The following INTS11 variants were observed in gnomAD, a reference collection of about 807,000 sequenced individuals.
INTS11 encodes CPSF3-like protein.
INTS11 carries 77 observed loss-of-function variants against 78.6 expected under a neutral mutation model. The ratio of observed to expected loss-of-function variants is 0.98; its 90% CI spans 0.81 to 1.18. The LOEUF is 1.18. INTS11 is among the 50% of genes most tolerant of loss of function. The pLI, the probability that INTS11 is intolerant of heterozygous loss-of-function variation, is 0.00. For synonymous variants in INTS11, 441 were observed against 326.9 expected (o/e 1.35, Z -3.77); for missense variants, 875 against 825.9 (o/e 1.06, Z -0.73).
chr1:1,320,364 G>A lies in INTS11; in HGVS notation c.200+92C>T, dbSNP rs1642872791. On this transcript the variant is annotated intron_variant, in intron 3 of 16. Coordinates refer to ENST00000435064, the MANE Select transcript of INTS11 (RefSeq NM_017871.6). ...CCCCTGAGGATCAAGGATGGCACAG[G>A]CCCCTTGCCAAACGCTGCCGAGACC... 21 of 1,201,048 alleles carry A rather than the reference G, an allele frequency of 1.7e-5. No homozygotes were observed. The South Asian group carries it at 1.8e-4, about 11-fold the overall frequency. 74.4% of individuals were successfully genotyped at this position (1,201,048 alleles called of 1,614,324 possible).
In INTS11 at chr1:1,319,302, C is replaced by A; in HGVS notation, c.423G>T (p.Thr141=). The stretch of plus-strand genomic sequence containing the variant: ...GTGGCCCTGGGAACCTGACCTGGAC[C>A]GTCTGGTGGAGGTGGACAGCCACCA... ...KKVVAVHLHQ[T]VQVDDELEIK... Residue 141 remains threonine, a synonymous_variant, in exon 4 of 17, where the codon ACG becomes ACT. Transcript: ENST00000435064. 1 of 1,612,330 alleles carries A rather than the reference C, an allele frequency of 6.2e-7. No homozygotes were observed.
chr1:1,315,119 T>A, intron 6 of INTS11, 157 bp from the exon 7 acceptor site: 1 of 954,466 alleles, frequency 1.0e-6, no homozygotes, highest in Non-Finnish European at 1.5e-6. Flanking sequence ...GCAGCACACT[T>A]GGGAAGAGAG....
At chr1:1,313,381 C>CCAG (rs1025247113) in intron 10 of INTS11, 128 bp downstream of exon 10, 5 of 1,114,382 alleles carry the variant, frequency 4.5e-6, no homozygotes, top group East Asian at 2.5e-5. Context: ...CCCCCGTTCC[C>CCAG]CAGCAGCAGC....
chr1:1,316,684 G>A (rs1398126121), intron 4 of INTS11: 2 of 152,208 alleles, frequency 1.3e-5, no homozygotes, highest in Non-Finnish European at 2.9e-5. Flanking sequence ...CAGCACTTTG[G>A]GAGGCTGAGG....
chr1:1,318,805 C>G lies in INTS11; in HGVS notation c.429+491G>C. 5 of 593,712 alleles carry G rather than the reference C, an allele frequency of 8.4e-6. No homozygotes were observed. The Middle Eastern group carries it at 7.8e-4, about 93-fold the overall frequency. The allele number at this position is 593,712 out of a possible 1,614,324, so 36.8% of individuals were successfully genotyped here. On this transcript the variant is annotated intron_variant, in intron 4 of 16. Coordinates refer to ENST00000435064, the MANE Select transcript of INTS11 (RefSeq NM_017871.6). ...CCCAGAGATTCGAGTGAGACACAGA[C>G]AAACCCATAATCTTTGTCAGAAATG...
At chr1:1,315,120 G>A (rs900560273) in intron 6 of INTS11, 158 bp from the exon 7 acceptor site, 3 of 955,262 alleles carry the variant, frequency 3.1e-6, no homozygotes, top group Non-Finnish European at 1.5e-6. Context: ...CAGCACACTT[G>A]GGAAGAGAGA....
chr1:1,322,437 A>C (rs1161108819), intron 1 of INTS11, among the ~76,000 whole-genome samples: 1 of 147,434 alleles, frequency 6.8e-6, no homozygotes, highest in Admixed American at 6.9e-5. Context: ...CGCCAGACGA[A>C]GGTTACTATG....
Position 1,312,344 on chromosome 1 carries a change from G to A in INTS11, c.1489C>T (p.Gln497Ter). The change falls in exon 15 of 17, where the codon CAA becomes TAA. Residue 497 changes from glutamine to a stop codon, truncating the protein, a stop_gained. Transcript: ENST00000435064. LOFTEE classifies it high-confidence loss of function. ...DSNFRLVSSE[Q>*]ALKELGLAEH... is the part of the protein sequence containing the mutation. Reference sequence around the variant, plus strand: ...GCCAGACCCAGCTCTTTGAGGGCTTGCTCTGAGGACACCAGCCGGAAGTTC... The same window carrying A: ...GCCAGACCCAGCTCTTTGAGGGCTTACTCTGAGGACACCAGCCGGAAGTTC... 6.4e-7 allele frequency: 1 copy of A among 1,562,284 alleles called. No homozygotes were observed. The highest frequency in any genetic ancestry group is 1.2e-5 in the South Asian group (1 of 84,954).
intron 1 of INTS11, 72 bp downstream of exon 1, chr1:1,324,509 A>G: frequency 6.9e-7 from 1 of 1,458,390 alleles, no homozygotes; most frequent in Non-Finnish European, 9.4e-7. Flanking sequence ...AACGGGAGGG[A>G]GCGGGGCGCC....
In INTS11 at chr1:1,312,213, G is replaced by GGGGGGGGCCCCCCCCCCCCCCCC; in HGVS notation, c.1607+12_1607+13insGGGGGGGGGGGGGGGGCCCCCCC. On this transcript the variant is annotated intron_variant, in intron 15 of 16. Transcript: ENST00000435064. ...CCCAAGGGAGTGGGGGGGGGGCGGGGCCGGGCGCCCACCTCTTGAGGTGGC... is the reference window on the plus strand; with the variant it reads ...CCCAAGGGAGTGGGGGGGGGGCGGGGGGGGGGGCCCCCCCCCCCCCCCCCCGGGCGCCCACCTCTTGAGGTGGC... 6 of 934,498 alleles carry GGGGGGGGCCCCCCCCCCCCCCCC rather than the reference G, an allele frequency of 6.4e-6. No individual in the cohort carries two copies. Among genetic ancestry groups the GGGGGGGGCCCCCCCCCCCCCCCC allele is most frequent in the Non-Finnish European group, 6.3e-6 (4 of 636,556 alleles). 57.9% of individuals were successfully genotyped at this position (934,498 alleles called of 1,614,324 possible). A position where few individuals can be genotyped will look rare whatever the true frequency, so the allele number is the denominator to read the frequency against.
At chr1:1,315,351 G>A in intron 6 of INTS11, 53 bp downstream of exon 6, 2 of 1,607,438 alleles carry the variant, frequency 1.2e-6, no homozygotes, top group East Asian at 2.2e-5. Context: ...ACCTGCAAGG[G>A]TCCTGAGCTC....
Position 1,312,213 on chromosome 1 carries a change from G to GCCGGCCCCCCCCCCCCCCCCCC in INTS11, c.1607+12_1607+13insGGGGGGGGGGGGGGGGGGCCGG. ...CCCAAGGGAGTGGGGGGGGGGCGGG[G>GCCGGCCCCCCCCCCCCCCCCCC]CCGGGCGCCCACCTCTTGAGGTGGC... On this transcript the variant is annotated intron_variant, in intron 15 of 16. Coordinates refer to ENST00000435064, the MANE Select transcript of INTS11 (RefSeq NM_017871.6). 3 of 934,608 alleles carry GCCGGCCCCCCCCCCCCCCCCCC rather than the reference G, an allele frequency of 3.2e-6. No homozygotes were observed. The highest frequency in any genetic ancestry group is 2.9e-5 in the East Asian group (1 of 34,242). 57.9% of individuals were successfully genotyped at this position (934,608 alleles called of 1,614,324 possible). A position where few individuals can be genotyped will look rare whatever the true frequency, so the allele number is the denominator to read the frequency against.
chr1:1,313,466 C>G lies in INTS11; in HGVS notation c.1041+43G>C, dbSNP rs373365375. 4 of 1,600,202 alleles carry G rather than the reference C, an allele frequency of 2.5e-6. No homozygotes were observed. The African/African-American group carries it at 4.0e-5, about 16-fold the overall frequency. Reference sequence around the variant, plus strand: ...CAGCATGGGTGGAAGGACAACCCGTCGGCCTCCAGCTTCCAGATTCCCACA... The same window carrying G: ...CAGCATGGGTGGAAGGACAACCCGTGGGCCTCCAGCTTCCAGATTCCCACA... On this transcript the variant is annotated intron_variant, in intron 10 of 16. Coordinates refer to ENST00000435064, the MANE Select transcript of INTS11 (RefSeq NM_017871.6).
Position 1,311,871 on chromosome 1 carries a change from C to G in INTS11, c.1791G>C (p.Gln597His). 3 of 1,560,426 alleles carry G rather than the reference C, an allele frequency of 1.9e-6. No individual in the cohort carries two copies. The highest frequency in any genetic ancestry group is 2.3e-5 in the East Asian group (1 of 44,316). The stretch of plus-strand genomic sequence containing the variant: ...TGAGTTGCCGGCCTCAGCTGGGGGC[C>G]TGGGGGAGGCCCTTCTTCAGCAGAG... The part of the protein sequence containing the change: ...LTSLLKKGLP[Q>H]APS The change falls in exon 17 of 17, where the codon CAG becomes CAC. Residue 597 changes from glutamine to histidine, a missense_variant. Coordinates refer to ENST00000435064, the MANE Select transcript of INTS11 (RefSeq NM_017871.6).
intron 13 of INTS11, 29 bp from the exon 14 acceptor site, chr1:1,312,530 T>C (rs1642277373): frequency 3.2e-6 from 5 of 1,582,926 alleles, no homozygotes; most frequent in South Asian, 1.1e-5. Context: ...GAGCCATCAA[T>C]GTGAGGGCCG....
Position 1,324,633 on chromosome 1 carries a change from G to C in INTS11, c.-25C>G, listed in dbSNP as rs748230622. 8.1e-6 allele frequency: 13 copies of C among 1,597,246 alleles called. No homozygotes were observed. The highest frequency in any genetic ancestry group is 1.1e-5 in the South Asian group (1 of 89,248). On this transcript the variant is annotated 5_prime_UTR_variant, in exon 1 of 17. Transcript: ENST00000435064. ...TCGTCTCCGCCGCGCTCCCGGACCC[G>C]CGAGGCCCGCCTGCGGTGATGCACT...
chr1:1,312,821 C>T lies in INTS11; in HGVS notation c.1260G>A (p.Met420Ile). The T allele has an allele frequency of 6.2e-7, 1 of 1,611,234 alleles. No homozygotes were observed. ...GCTCGATCTTCTGCTTCAGGAACTC[C>T]ATCTTCTTGGCCTCGCCATGCACCA... ...VLLVHGEAKKMEFLKQKIEQE... is the reference protein window; with the variant it reads ...VLLVHGEAKKIEFLKQKIEQE... The change falls in exon 12 of 17, where the codon ATG becomes ATA. Residue 420 changes from methionine to isoleucine, a missense_variant. By Grantham distance (10) the Met-to-Ile change is conservative (BLOSUM62 1). Coordinates refer to ENST00000435064, the MANE Select transcript of INTS11 (RefSeq NM_017871.6).
In INTS11 at chr1:1,319,365, G is replaced by C. The variant is rs1015038108; in HGVS notation, c.360C>G (p.Phe120Leu). 6.2e-7 allele frequency: 1 copy of C among 1,613,428 alleles called. No individual in the cohort carries two copies. The highest frequency in any genetic ancestry group is 8.5e-7 in the Non-Finnish European group (1 of 1,180,024). ...IAVDKKGEANFFTSQMIKDCM... is the reference protein window; with the variant it reads ...IAVDKKGEANLFTSQMIKDCM... The stretch of plus-strand genomic sequence containing the variant: ...AGTCTTTGATCATCTGGGAGGTGAA[G>C]AAGTTGGCCTCGCCCTTCTTGTCTA... Residue 120 changes from phenylalanine (F) to leucine (L), a missense_variant, in exon 4 of 17, where the codon TTC becomes TTG. Phe to Leu is a conservative substitution (Grantham distance 22). Transcript: ENST00000435064.
intron 4 of INTS11, 144 bp downstream of exon 4, chr1:1,319,152 C>T (rs1570732855): frequency 1.2e-6 from 1 of 845,658 alleles, no homozygotes; most frequent in East Asian, 2.4e-5. Flanking sequence ...CTCCTGGTGT[C>T]CCCACGGTGC....
Sources: allele counts gnomAD v4.1 joint callset (sites outside exome capture counted in the v4.1 genomes callset), GRCh38; gene constraint gnomAD v4.1.1; transcripts MANE v1.5; gene names NCBI Gene and HGNC (gene_info 2026-07-23, HGNC 2026-07-21).